STK32B: variants seen among roughly 807,000 people sequenced by gnomAD.
STK32B encodes serine/threonine-protein kinase 32B.
In STK32B, 43 loss-of-function variants were observed where a neutral mutation model predicts 52.6. The observed-to-expected ratio is 0.82, with a 90% confidence interval of 0.64 to 1.05. The LOEUF (loss-of-function observed/expected upper bound fraction) is 1.05. Among genes scored for constraint, STK32B ranks in the 50% least tolerant of loss-of-function variants. STK32B has a pLI of 0.00. For synonymous variants in STK32B, 238 were observed against 204.3 expected (o/e 1.17, Z -1.41); for missense variants, 621 against 534.6 (o/e 1.16, Z -1.59).
At chr4:5,043,614 C>T in the STK32B span, among the ~76,000 whole-genome samples, 1 of 152,220 alleles carries the variant, frequency 6.6e-6, no homozygotes, top group Non-Finnish European at 1.5e-5. Context: ...CGTTTTGCTA[C>T]ATGAGGTTGT....
intron 1 of STK32B, among the ~76,000 whole-genome samples, chr4:5,096,813 A>T (rs959436881): frequency 6.6e-6 from 1 of 152,196 alleles, no homozygotes; most frequent in Non-Finnish European, 1.5e-5. Context: ...AAAGGAGCAG[A>T]TATTAACACT....
At chr4:5,216,672 C>T (rs1340653296) in intron 3 of STK32B, among the ~76,000 whole-genome samples, 1 of 152,078 alleles carries the variant, frequency 6.6e-6, no homozygotes, top group Non-Finnish European at 1.5e-5. Flanking sequence ...GAAAGACAGC[C>T]AGTGTGATGG....
At chr4:5,374,192 C>T (rs536458697) in intron 4 of STK32B, among the ~76,000 whole-genome samples, 5 of 152,166 alleles carry the variant, frequency 3.3e-5, no homozygotes, top group Non-Finnish European at 7.3e-5. Context: ...CAGGGTAACA[C>T]CTTGACTTTG....
intron 4 of STK32B, among the ~76,000 whole-genome samples, chr4:5,365,262 G>A (rs942754960): frequency 6.6e-6 from 1 of 152,082 alleles, no homozygotes; most frequent in African/African-American, 2.4e-5. Flanking sequence ...CGGAACTTTG[G>A]CATACTTCTG....
At chr4:5,483,462 T>A (rs943232086) in intron 11 of STK32B, among the ~76,000 whole-genome samples, 1 of 152,178 alleles carries the variant, frequency 6.6e-6, no homozygotes, top group African/African-American at 2.4e-5. Flanking sequence ...ATTGCATCTA[T>A]TTGATCCTTC....
intron 3 of STK32B, among the ~76,000 whole-genome samples, chr4:5,289,696 T>C (rs1728768204): frequency 7.5e-6 from 1 of 132,488 alleles, no homozygotes; most frequent in Non-Finnish European, 1.6e-5. Flanking sequence ...TTTTTTTTTT[T>C]TTTTTTTTTT....
intron 3 of STK32B, among the ~76,000 whole-genome samples, chr4:5,190,556 A>G (rs554548784): frequency 6.6e-6 from 1 of 152,130 alleles, no homozygotes; most frequent in Non-Finnish European, 1.5e-5. Flanking sequence ...GCACTGTCCT[A>G]AGTACTGGTG....
At chr4:5,214,696 C>A (rs1723088827) in intron 3 of STK32B, among the ~76,000 whole-genome samples, 1 of 152,230 alleles carries the variant, frequency 6.6e-6, no homozygotes, top group Non-Finnish European at 1.5e-5. Context: ...TAAGGACTAT[C>A]TCTGTCTCAA....
intron 11 of STK32B, among the ~76,000 whole-genome samples, chr4:5,483,044 T>A (rs10034851): frequency 0.082 from 12,408 of 152,140 alleles, 834 homozygotes; most frequent in African/African-American, 0.19. Context: ...TGGTCTAAAA[T>A]TCTCTTTTTT....
chr4:5,297,172 G>T (rs138622438), intron 3 of STK32B, among the ~76,000 whole-genome samples: 7,570 of 152,244 alleles, frequency 0.05, 269 homozygotes, highest in Non-Finnish European at 0.078. Flanking sequence ...GCTTCCCTTT[G>T]TAGGTAACCT....
chr4:5,136,078 GTGATTC>G (rs1430850648), intron 1 of STK32B, among the ~76,000 whole-genome samples: 3 of 152,142 alleles, frequency 2.0e-5, no homozygotes, highest in Non-Finnish European at 4.4e-5. Context: ...AAGGTTCCAG[GTGATTC>G]TGAAAACGCC....
At chr4:5,078,838 GGGGGGCCAGCACA>G (rs1712238147) in intron 1 of STK32B, among the ~76,000 whole-genome samples, 1 of 152,162 alleles carries the variant, frequency 6.6e-6, no homozygotes, top group Non-Finnish European at 1.5e-5. Context: ...CTTTGAGAAG[GGGGGGCCAGCACA>G]GGGAAGTGGA....
chr4:5,160,787 C>T (rs563280367), intron 2 of STK32B, among the ~76,000 whole-genome samples: 1 of 152,294 alleles, frequency 6.6e-6, no homozygotes, highest in African/African-American at 2.4e-5. Context: ...ATGCACGAAG[C>T]AGGAAGCATG....
chr4:5,204,764 G>A (rs746139699), intron 3 of STK32B, among the ~76,000 whole-genome samples: 8 of 151,996 alleles, frequency 5.3e-5, no homozygotes, highest in Non-Finnish European at 7.4e-5. Flanking sequence ...CACTGCTCCC[G>A]GCGTGTCCTG....
intron 2 of STK32B, among the ~76,000 whole-genome samples, chr4:5,163,370 C>T (rs1403886636): frequency 6.6e-6 from 1 of 152,024 alleles, no homozygotes; most frequent in Non-Finnish European, 1.5e-5. Flanking sequence ...GGATTTATGG[C>T]AGCTTAGTGG....
intron 1 of STK32B, among the ~76,000 whole-genome samples, chr4:5,138,075 C>A (rs927166236): frequency 3.9e-5 from 6 of 152,044 alleles, no homozygotes; most frequent in Admixed American, 3.3e-4. Flanking sequence ...TGCTTTTTTT[C>A]CCTCTTCTCT....
At chr4:5,116,734 G>T (rs1371955860) in intron 1 of STK32B, among the ~76,000 whole-genome samples, 1 of 152,142 alleles carries the variant, frequency 6.6e-6, no homozygotes, top group Non-Finnish European at 1.5e-5. Flanking sequence ...CATCACTTTG[G>T]ATGGTATGGA....
intron 6 of STK32B, among the ~76,000 whole-genome samples, chr4:5,444,345 G>A (rs548260100): frequency 3.5e-4 from 54 of 152,332 alleles, no homozygotes; most frequent in African/African-American, 1.1e-3. Flanking sequence ...CAGTATTTGG[G>A]TGGGAGTGAC....
rs1714764337 is a variant in STK32B at position 5,441,593 on chromosome 4, C to G, written c.563-5080C>G. Among the ~76,000 whole-genome samples, 3 of 151,692 alleles carry G rather than the reference C, an allele frequency of 2.0e-5. No homozygotes were observed. In the South Asian group the frequency reaches 6.3e-4, roughly 32 times the overall value. On this transcript the variant is annotated intron_variant, in intron 6 of 11. Transcript: ENST00000282908. The stretch of plus-strand genomic sequence containing the variant: ...TAATTTTTTGAAGGGTTTTTTGTGT[C>G]TCTATTTCCTTCAGTTCTGCTCTGG...
Sources: gnomAD v4.1 joint callset for allele counts (sites outside exome capture counted in the v4.1 genomes callset) on GRCh38, gnomAD v4.1.1 for gene constraint, MANE v1.5 for transcripts, NCBI Gene and HGNC (gene_info 2026-07-23, HGNC 2026-07-21) for gene names.